The following PDZD2 variants were observed in gnomAD, a reference collection of about 807,000 sequenced individuals.
PDZD2 encodes the protein PDZ domain-containing protein 2.
PDZD2 carries 90 observed loss-of-function variants against 220.7 expected under a neutral mutation model. That is an observed-to-expected ratio of 0.41 (90% CI 0.34 to 0.49). The LOEUF is 0.49. Among genes scored for constraint, PDZD2 ranks in the 20% least tolerant of loss-of-function variants. The probability of loss-of-function intolerance (pLI) is 0.28; values close to 1 mark genes in which losing one functional copy is unlikely to be tolerated. For missense variants in PDZD2, 3,174 were observed against 3,608.5 expected (o/e 0.88, Z 3.08); for synonymous variants, 1,375 against 1,450.5 (o/e 0.95, Z 1.18).
chr5:31,983,013 G>A, intron 2 of PDZD2, 142 bp from the exon 3 acceptor site: 2 of 727,266 alleles, frequency 2.8e-6, no homozygotes, highest in Non-Finnish European at 4.6e-6. Context: ...TGAATTGGGT[G>A]TTGAATCTCT....
intron 21 of PDZD2, 91 bp downstream of exon 21, chr5:32,093,115 C>A (rs1297498712): frequency 1.4e-6 from 1 of 707,730 alleles, no homozygotes; most frequent in South Asian, 1.7e-5. Flanking sequence ...GAGGAGAGCC[C>A]GCCCCGAGTC....
intron 1 of PDZD2, chr5:31,725,794 A>T: frequency 1.0e-6 from 1 of 953,598 alleles, no homozygotes; most frequent in South Asian, 1.4e-5. Context: ...ATTTGGATTT[A>T]GATCTTGAAA....
chr5:32,011,790 C>T (rs537502638), intron 6 of PDZD2, among the ~76,000 whole-genome samples: 13 of 152,280 alleles, frequency 8.5e-5, no homozygotes, highest in Admixed American at 7.2e-4. Flanking sequence ...GGAAAAGTTG[C>T]TTTTCGTCTT....
intron 1 of PDZD2, chr5:31,748,150 G>A (rs1400753889): frequency 6.6e-6 from 1 of 152,204 alleles, no homozygotes; most frequent in African/African-American, 2.4e-5. Flanking sequence ...GCTCAGACAA[G>A]CCACTCGAGA....
At chr5:31,972,503 T>G (rs10059023) in intron 2 of PDZD2, among the ~76,000 whole-genome samples, 32,157 of 151,978 alleles carry the variant, frequency 0.21, 3,615 homozygotes, top group African/African-American at 0.25. Context: ...ATCATGTCTG[T>G]TTGCCCCACT....
chr5:31,891,727 C>T lies in PDZD2; in HGVS notation c.477-91428C>T, dbSNP rs150126344. On this transcript the variant is annotated intron_variant, in intron 2 of 24. Transcript: ENST00000438447. ...TGAATGCTCACCAACGCTGTCAATC[C>T]GAGCAGAGCTTTCCCCACTGCTCCC... 2.1e-3 allele frequency among the ~76,000 whole-genome samples: 323 copies of T among 152,260 alleles called. 1 individual carries two copies. The highest frequency in any genetic ancestry group is 6.9e-3 in the African/African-American group (285 of 41,540).
chr5:31,966,708 A>T (rs2111742437), intron 2 of PDZD2, among the ~76,000 whole-genome samples: 1 of 152,334 alleles, frequency 6.6e-6, no homozygotes, highest in East Asian at 1.9e-4. Flanking sequence ...CAAGAGGAAA[A>T]ATTCGAAAGA....
chr5:31,859,164 C>A (rs1737442462), intron 2 of PDZD2, among the ~76,000 whole-genome samples: 1 of 152,146 alleles, frequency 6.6e-6, no homozygotes, highest in African/African-American at 2.4e-5. Flanking sequence ...ATTCCCTAGC[C>A]ACTCCCTCCC....
intron 2 of PDZD2, among the ~76,000 whole-genome samples, chr5:31,806,932 T>G (rs999930552): frequency 4.0e-5 from 2 of 50,276 alleles, no homozygotes; most frequent in Non-Finnish European, 7.8e-5. Flanking sequence ...GGCGTCTTTG[T>G]TTTTTTTTTT....
intron 1 of PDZD2, among the ~76,000 whole-genome samples, chr5:31,776,485 T>TATTC (rs1554073455): frequency 1.4e-5 from 2 of 144,536 alleles, no homozygotes; most frequent in South Asian, 2.2e-4. Flanking sequence ...TTTATTTATT[T>TATTC]ATTTATTCAT....
chr5:31,809,881 G>T (rs1476498537), intron 2 of PDZD2, among the ~76,000 whole-genome samples: 1 of 152,174 alleles, frequency 6.6e-6, no homozygotes, highest in African/African-American at 2.4e-5. Flanking sequence ...CCAGTGACCT[G>T]CTCCTCCTCT....
intron 2 of PDZD2, among the ~76,000 whole-genome samples, chr5:31,971,516 C>T (rs1488525595): frequency 6.6e-6 from 1 of 152,172 alleles, no homozygotes; most frequent in Non-Finnish European, 1.5e-5. Flanking sequence ...AACCATAGTA[C>T]CATCTCGACT....
intron 1 of PDZD2, among the ~76,000 whole-genome samples, chr5:31,771,907 T>C (rs1168534163): frequency 6.6e-6 from 1 of 151,508 alleles, no homozygotes; most frequent in Non-Finnish European, 1.5e-5. Context: ...AGATGAGAGA[T>C]TTTCAAATAT....
chr5:31,818,039 G>A (rs983846048), intron 2 of PDZD2, among the ~76,000 whole-genome samples: 2 of 143,550 alleles, frequency 1.4e-5, no homozygotes, highest in Admixed American at 7.3e-5. Context: ...GCACGATCAC[G>A]GCTCACCGCA....
chr5:32,091,163 G>C lies in PDZD2; in HGVS notation c.7715G>C (p.Ser2572Thr). Reference sequence around the variant, plus strand: ...GCCCAGGATCTGCCTTTTAGAAGAAGCTGGTCAGTTAAGTAAGTATCTGCC... The same window carrying C: ...GCCCAGGATCTGCCTTTTAGAAGAACCTGGTCAGTTAAGTAAGTATCTGCC... ...EAAQDLPFRR[S>T]WSVNLDQLLV... Residue 2572 changes from serine (S) to threonine (T), a missense_variant, in exon 20 of 25, where the codon AGC becomes ACC. Coordinates refer to ENST00000438447, the MANE Select transcript of PDZD2 (RefSeq NM_178140.4). 6.4e-7 allele frequency: 1 copy of C among 1,565,088 alleles called. No individual in the cohort carries two copies. Among genetic ancestry groups the C allele is most frequent in the South Asian group, 1.2e-5 (1 of 85,616 alleles).
At chr5:31,998,049 G>C (rs1293835748) in intron 4 of PDZD2, among the ~76,000 whole-genome samples, 3 of 152,072 alleles carry the variant, frequency 2.0e-5, no homozygotes, top group Admixed American at 2.0e-4. Flanking sequence ...CACTGTGTTG[G>C]CCAGGCTGGT....
chr5:31,886,453 C>G (rs1740483989), intron 2 of PDZD2, among the ~76,000 whole-genome samples: 1 of 152,130 alleles, frequency 6.6e-6, no homozygotes, highest in Admixed American at 6.6e-5. Flanking sequence ...CTCCTCTCTC[C>G]TCTCTGCTGA....
In PDZD2 at chr5:32,069,559, T is replaced by C. The variant is rs1474015011; in HGVS notation, c.2452-10T>C. ...AAACCATCTAATCTTTGCTTTCTGC[T>C]GAAAATCAGGTTTCCGAGCAGGAAA... On this transcript the variant is annotated splice_polypyrimidine_tract_variant and intron_variant, in intron 14 of 24. Coordinates refer to ENST00000438447, the MANE Select transcript of PDZD2 (RefSeq NM_178140.4). The C allele has an allele frequency of 3.3e-6, 5 of 1,528,486 alleles. No homozygotes were observed. In the Admixed American group the frequency reaches 8.3e-5, roughly 26 times the overall value. The allele number at this position is 1,528,486 out of a possible 1,614,324, so 94.7% of individuals were successfully genotyped here.
chr5:32,052,616 C>T lies in PDZD2; in HGVS notation c.1671C>T (p.Tyr557=). ...TGCCGTGTGCTGACTTTTAGGAATA[C>T]CACATTGTGAAGAAGTCTACCCGCT... ...LLDSSSASQE[Y]HIVKKSTRSL... is the part of the protein sequence containing the mutation. The change falls in exon 9 of 25, where the codon TAC becomes TAT. Residue 557 remains tyrosine, a synonymous_variant. Transcript: ENST00000438447. 2.5e-6 allele frequency: 4 copies of T among 1,613,574 alleles called. No homozygotes were observed. The highest frequency in any genetic ancestry group is 1.1e-5 in the South Asian group (1 of 91,084).
Sources: allele counts gnomAD v4.1 joint callset (sites outside exome capture counted in the v4.1 genomes callset), GRCh38; gene constraint gnomAD v4.1.1; transcripts MANE v1.5; gene names NCBI Gene and HGNC (gene_info 2026-07-23, HGNC 2026-07-21).